Variants in KRT5 observed in about 807,000 individuals in gnomAD.
The protein encoded by KRT5 is keratin 5.
In KRT5, 17 loss-of-function variants were observed where a neutral mutation model predicts 44.0. The ratio of observed to expected loss-of-function variants is 0.39; its 90% CI spans 0.26 to 0.58. The LOEUF (loss-of-function observed/expected upper bound fraction) is 0.58. Ranked by LOEUF, KRT5 falls within the 20% of genes least tolerant of loss-of-function variation. KRT5 has a pLI of 0.61. For synonymous variants in KRT5, 329 were observed against 312.8 expected (o/e 1.05, Z -0.55); for missense variants, 737 against 785.5 (o/e 0.94, Z 0.74).
chr12:52,515,878 A>G (rs779455758), intron 7 of KRT5, 46 bp from the exon 8 acceptor site: 5 of 1,529,270 alleles, frequency 3.3e-6, no homozygotes, highest in South Asian at 2.2e-5. Flanking sequence ...TCCCAAAAAG[A>G]CAGCATTAGT....
intron 7 of KRT5, chr12:52,516,047 T>C: frequency 1.7e-6 from 1 of 604,592 alleles, no homozygotes. Context: ...GAAAGAATTA[T>C]AATTCACATT....
chr12:52,518,074 G>C (rs1938644706), intron 3 of KRT5, 29 bp downstream of exon 3: 2 of 1,613,052 alleles, frequency 1.2e-6, no homozygotes, highest in Admixed American at 1.7e-5. Context: ...ATAGCTGCAG[G>C]CTGCTGGTTC....
chr12:52,518,243 G>T, intron 2 of KRT5, 80 bp from the exon 3 acceptor site: 2 of 1,364,334 alleles, frequency 1.5e-6, no homozygotes, highest in Non-Finnish European at 2.1e-6. Flanking sequence ...TCAACTGTAA[G>T]CCTACTTTTG....
At position 52,515,092 on chromosome 12, in the gene KRT5, G is replaced by A. The variant is rs777265572; in HGVS notation, c.1623C>T (p.Gly541=). ...SYYSSSSGGV[G]LGGGLSVGGS... ...CCCCCACACTGAGCCCACCACCTAG[G>A]CCGACACCCCCACTGCTGCTGGAGT... The change falls in exon 9 of 9, where the codon GGC becomes GGT. Residue 541 remains glycine (G), a synonymous_variant. Coordinates refer to ENST00000252242, the MANE Select transcript of KRT5 (RefSeq NM_000424.4). The A allele has an allele frequency of 6.2e-7, 1 of 1,612,228 alleles. No homozygotes were observed. The highest frequency in any genetic ancestry group is 1.1e-5 in the South Asian group (1 of 90,924).
In KRT5 at chr12:52,520,108, C is replaced by T; in HGVS notation, c.189G>A (p.Arg63=). The stretch of plus-strand genomic sequence containing the variant: ...TGGAGCCCCCCAGGTTGTAGAGGCT[C>T]CGGCTGCCATAGCCACCCACTCCAC... ...GACGVGGYGS[R]SLYNLGGSKR... is the part of the protein sequence containing the mutation. Residue 63 remains arginine, a synonymous_variant, in exon 1 of 9, where the codon CGG becomes CGA. Coordinates refer to ENST00000252242, the MANE Select transcript of KRT5 (RefSeq NM_000424.4). The T allele has an allele frequency of 1.2e-6, 2 of 1,613,886 alleles. No homozygotes were observed. Among genetic ancestry groups the T allele is most frequent in the South Asian group, 2.2e-5 (2 of 91,080 alleles).
chr12:52,515,728 A>G, intron 8 of KRT5, 70 bp downstream of exon 8: 2 of 1,237,754 alleles, frequency 1.6e-6, no homozygotes, highest in Non-Finnish European at 2.4e-6. Flanking sequence ...TAGAAACAGC[A>G]GAATTCTGAG....
In KRT5 at chr12:52,517,236, A is replaced by C; in HGVS notation, c.1093-4T>G. 2 of 1,613,972 alleles carry C rather than the reference A, an allele frequency of 1.2e-6. No individual in the cohort carries two copies. Among genetic ancestry groups the C allele is most frequent in the Non-Finnish European group, 1.7e-6 (2 of 1,179,984 alleles). ...CTGTCTGCTGCAGCTCCTCATACTG[A>C]TGCAGCCAGGAAAGAGGAAAGATTC... On this transcript the variant is annotated splice_polypyrimidine_tract_variant and splice_region_variant and intron_variant, in intron 5 of 8. Coordinates refer to ENST00000252242, the MANE Select transcript of KRT5 (RefSeq NM_000424.4).
chr12:52,519,516 G>A, intron 1 of KRT5: 1 of 642,012 alleles, frequency 1.6e-6, no homozygotes, highest in Non-Finnish European at 2.7e-6. Context: ...CAGTTGTTAA[G>A]AGGCCCTTGT....
chr12:52,520,164 C>T lies in KRT5; in HGVS notation c.133G>A (p.Gly45Ser), dbSNP rs756838467. Residue 45 changes from glycine to serine, a missense_variant, in exon 1 of 9, where the codon GGC becomes AGC. Around this residue, in one of 5 missense-constraint regions of KRT5, gnomAD observed 326 missense variants for 333.1 expected, o/e 0.98. Transcript: ENST00000252242. ...CCCGCAAGGCTGACCCTGCCGAAGCCACCACCACCGCCACCCCCGGACCGG... is the reference window on the plus strand; with the variant it reads ...CCCGCAAGGCTGACCCTGCCGAAGCTACCACCACCGCCACCCCCGGACCGG... ...VSRSGGGGGG[G>S]FGRVSLAGAC... The T allele has an allele frequency of 1.9e-6, 3 of 1,613,894 alleles. No individual in the cohort carries two copies. Among genetic ancestry groups the T allele is most frequent in the Non-Finnish European group, 1.7e-6 (2 of 1,179,842 alleles).
At position 52,514,705 on chromosome 12, in the gene KRT5, G is replaced by A. The variant is rs1938575420; in HGVS notation, c.*237C>T. On this transcript the variant is annotated 3_prime_UTR_variant, in exon 9 of 9. Coordinates refer to ENST00000252242, the MANE Select transcript of KRT5 (RefSeq NM_000424.4). ...AAACTTTGGGTTCTCGTGTCAGCAG[G>A]GGCCATGCTGTGGGAAACCTGAAGG... 2 of 545,356 alleles carry A rather than the reference G, an allele frequency of 3.7e-6. No homozygotes were observed. The highest frequency in any genetic ancestry group is 5.8e-5 in the East Asian group (2 of 34,314). The allele number at this position is 545,356 out of a possible 1,614,324, so 33.8% of individuals were successfully genotyped here.
At chr12:52,515,905 C>T in intron 7 of KRT5, 73 bp from the exon 8 acceptor site, 1 of 1,266,286 alleles carries the variant, frequency 7.9e-7, no homozygotes, top group Non-Finnish European at 1.2e-6. Flanking sequence ...GGCTAACTCC[C>T]ATCCTCATGA....
rs768941859 is a variant in KRT5 at position 52,517,894 on chromosome 12, T to C, written c.927+3A>G. On this transcript the variant is annotated splice_donor_region_variant and intron_variant, in intron 4 of 8. Transcript: ENST00000252242. ...ATGTGAAAAATTTAGATAAGTTTCTTACCGCATCAAAGAACATCTTCATGA... is the reference window on the plus strand; with the variant it reads ...ATGTGAAAAATTTAGATAAGTTTCTCACCGCATCAAAGAACATCTTCATGA... 1 of 1,613,906 alleles carries C rather than the reference T, an allele frequency of 6.2e-7. No individual in the cohort carries two copies. The highest frequency in any genetic ancestry group is 8.5e-7 in the Non-Finnish European group (1 of 1,179,710).
Position 52,517,581 on chromosome 12 carries a change from AGCACCCACCTTGG to A in KRT5, c.1088_1092+8del, listed in dbSNP as rs1170804634. ...CCCTCACTCAGGAGACAGTCATCAGAGCACCCACCTTGGTCTGATACCAGGACTCGGCTTCTGT... is the reference window on the plus strand; with the variant it reads ...CCCTCACTCAGGAGACAGTCATCAGATCTGATACCAGGACTCGGCTTCTGT... On this transcript the variant is annotated splice_donor_variant and splice_donor_5th_base_variant and coding_sequence_variant and intron_variant, in exon 5 of 9. Transcript: ENST00000252242. LOFTEE classifies it high-confidence loss of function. 1.9e-6 allele frequency: 3 copies of A among 1,613,838 alleles called. No homozygotes were observed. The highest frequency in any genetic ancestry group is 2.5e-6 in the Non-Finnish European group (3 of 1,179,904).
At position 52,519,939 on chromosome 12, in the gene KRT5, C is replaced by T. The variant is rs200116437; in HGVS notation, c.358G>A (p.Gly120Arg). The T allele has an allele frequency of 1.2e-4, 186 of 1,612,722 alleles. No homozygotes were observed. Among genetic ancestry groups the T allele is most frequent in the Admixed American group, 3.3e-4 (20 of 59,888 alleles). Residue 120 changes from glycine (G) to arginine (R), a missense_variant, in exon 1 of 9, where the codon GGA (glycine) becomes AGA (arginine). Physicochemically the swap from Gly to Arg is moderately radical, Grantham distance 125 (BLOSUM62 -2). Coordinates refer to ENST00000252242, the MANE Select transcript of KRT5 (RefSeq NM_000424.4). ...GAGGGFGLGGGAGFGGGFGGP... is the reference protein window; with the variant it reads ...GAGGGFGLGGRAGFGGGFGGP... ...CCGAAGCCACCTCCAAAGCCAGCTC[C>T]GCCACCGAGCCCAAAGCCACCACCA...
rs557607337 is a variant in KRT5 at position 52,515,896 on chromosome 12, G to A, written c.1440-64C>T. The A allele has an allele frequency of 6.0e-6, 8 of 1,333,584 alleles. No homozygotes were observed. The South Asian group carries it at 9.4e-5, about 16-fold the overall frequency. The allele number at this position is 1,333,584 out of a possible 1,614,324, so 82.6% of individuals were successfully genotyped here. On this transcript the variant is annotated intron_variant, in intron 7 of 8. Transcript: ENST00000252242. The stretch of plus-strand genomic sequence containing the variant: ...CAAAAAGACAGCATTAGTCTATGTG[G>A]CTAACTCCCATCCTCATGATTCGAG...
chr12:52,519,015 A>G lies in KRT5; in HGVS notation c.701T>C (p.Val234Ala). 6.2e-7 allele frequency: 1 copy of G among 1,613,976 alleles called. No individual in the cohort carries two copies. Among genetic ancestry groups the G allele is most frequent in the Non-Finnish European group, 8.5e-7 (1 of 1,180,004 alleles). Residue 234 changes from valine to alanine, a missense_variant, in exon 2 of 9, where the codon GTG becomes GCG. Around this residue, in one of 5 missense-constraint regions of KRT5, gnomAD observed 326 missense variants for 333.1 expected, o/e 0.98. Transcript: ENST00000252242. ...TGAGTCCAGGCGGCCCCGTTCCCCC[A>G]CGATGCTGTCCAGCTGCCTCCTGAG... is the stretch of plus-strand genomic sequence containing the variant. Reference protein sequence around the residue: ...NNLRRQLDSIVGERGRLDSEL... With the variant: ...NNLRRQLDSIAGERGRLDSEL...
chr12:52,515,857 G>GGGTTA (rs1738397713), intron 7 of KRT5, 25 bp from the exon 8 acceptor site: 4 of 1,606,536 alleles, frequency 2.5e-6, no homozygotes, highest in Non-Finnish European at 3.4e-6. Context: ...ATTGAATTAA[G>GGGTTA]GGTTAACAGC....
At position 52,516,224 on chromosome 12, in the gene KRT5, T is replaced by C. The variant is rs1592193412; in HGVS notation, c.1440-392A>G. 2.9e-5 allele frequency: 12 copies of C among 408,396 alleles called. No homozygotes were observed. In the East Asian group the frequency reaches 5.8e-4, roughly 20 times the overall value. The allele number at this position is 408,396 out of a possible 1,614,324, so 25.3% of individuals were successfully genotyped here. On this transcript the variant is annotated intron_variant, in intron 7 of 8. Transcript: ENST00000252242. ...CAATGTCAGAGGTTGAAGCAAACAG[T>C]AGTTTGACAATCCAAAGGTAGCTGA...
At position 52,514,970 on chromosome 12, in the gene KRT5, G is replaced by A; in HGVS notation, c.1745C>T (p.Ser582Phe). The A allele has an allele frequency of 8.7e-6, 14 of 1,613,688 alleles. No homozygotes were observed. The South Asian group carries it at 1.4e-4, about 16-fold the overall frequency. Residue 582 changes from serine (S) to phenylalanine (F), a missense_variant, in exon 9 of 9, where the codon TCC becomes TTC. Physicochemically the swap from Ser to Phe is radical, Grantham distance 155 (BLOSUM62 -2). Around this residue, in one of 5 missense-constraint regions of KRT5, gnomAD observed 344 missense variants for 351.6 expected, o/e 0.98. Transcript: ENST00000252242. ...GCTCTTGAAGCTCTTCCGGGAGGAGGAGGTGGTGGAGACAAATTTGACGCT... is the reference window on the plus strand; with the variant it reads ...GCTCTTGAAGCTCTTCCGGGAGGAGAAGGTGGTGGAGACAAATTTGACGCT... Reference protein sequence around the residue: ...SSSVKFVSTTSSSRKSFKS With the variant: ...SSSVKFVSTTFSSRKSFKS
Sources: gnomAD v4.1 joint callset for allele counts on GRCh38, gnomAD v4.1.1 for gene constraint, gnomAD v4.1.1 regional missense constraint, MANE v1.5 for transcripts, NCBI Gene and HGNC (gene_info 2026-07-23, HGNC 2026-07-21) for gene names.